KIAA1210: variants seen among roughly 807,000 people sequenced by gnomAD.
The protein encoded by KIAA1210 is KIAA1210, also known as acrosomal protein KIAA1210.
A neutral mutation model predicts 78.9 loss-of-function variants in KIAA1210; 48 were observed. That is an observed-to-expected ratio of 0.61 (90% confidence interval 0.48 to 0.77). The LOEUF (loss-of-function observed/expected upper bound fraction) is 0.77. Ranked by LOEUF, KIAA1210 falls within the 30% of genes least tolerant of loss-of-function variation. The probability of loss-of-function intolerance (pLI) is 0.00; values close to 1 mark genes in which losing one functional copy is unlikely to be tolerated. For missense variants in KIAA1210, 1,108 were observed against 1,100.0 expected (o/e 1.01, Z -0.10); for synonymous variants, 406 against 404.5 (o/e 1.00, Z -0.04).
chrX:119,095,452 A>T (rs930538621), intron 7 of KIAA1210, among the ~76,000 whole-genome samples: 1 of 111,472 alleles, frequency 9.0e-6, no homozygotes, highest in Admixed American at 9.5e-5. Context: ...GCAATGACAC[A>T]ATCTCGGCTC....
chrX:119,126,224 C>T (rs1231820702), intron 1 of KIAA1210, among the ~76,000 whole-genome samples: 2 of 96,917 alleles, frequency 2.1e-5, no homozygotes, highest in Admixed American at 1.1e-4. Flanking sequence ...GGCCGGGGGG[C>T]GGGGCTGGTG....
At chrX:119,132,248 A>T (rs1469079071), upstream of KIAA1210, among the ~76,000 whole-genome samples, 2 of 112,312 alleles carry the variant, frequency 1.8e-5, no homozygotes, top group African/African-American at 6.5e-5. Context: ...CTCTTGACTC[A>T]TAGAAACTGA....
chrX:119,127,461 C>T (rs1928679631), intron 1 of KIAA1210, among the ~76,000 whole-genome samples: 1 of 111,462 alleles, frequency 9.0e-6, no homozygotes, highest in Non-Finnish European at 1.9e-5. Context: ...TGAGCTTAGA[C>T]TGTCCTGTCT....
Position 119,112,833 on chromosome X carries a change from C to T in KIAA1210, c.231-3631G>A, listed in dbSNP as rs183963411. On this transcript the variant is annotated intron_variant, in intron 3 of 11. Coordinates refer to ENST00000691062, the MANE Select transcript of KIAA1210 (RefSeq NM_001394962.1). Reference sequence around the variant, plus strand: ...TAACGGCCATTTGACCCAACAATTCCACTCCTAGGTATATATCCCAGAGAA... The same window carrying T: ...TAACGGCCATTTGACCCAACAATTCTACTCCTAGGTATATATCCCAGAGAA... Among the ~76,000 whole-genome samples the T allele has an allele frequency of 5.2e-4, 58 of 111,722 alleles. No individual in the cohort carries two copies. In the East Asian group the frequency reaches 9.5e-3, roughly 18 times the overall value.
At position 119,083,107 on chromosome X, in the gene KIAA1210, G is replaced by GCAGAGC. The variant is rs1927018348; in HGVS notation, c.4328_4333dup (p.Gly1443_Ser1444dup). ...CATCTTTTTAGGTTGGTTTTCATTT[G>GCAGAGC]CAGAGCCAGCTCCCTTTAATACAAA... On this transcript the variant is annotated inframe_insertion, in exon 11 of 12. Transcript: ENST00000691062. 1 of 1,196,803 alleles carries GCAGAGC rather than the reference G, an allele frequency of 8.4e-7. No individual in the cohort carries two copies. Among genetic ancestry groups the GCAGAGC allele is most frequent in the Non-Finnish European group, 1.1e-6 (1 of 886,601 alleles).
intron 1 of KIAA1210, among the ~76,000 whole-genome samples, chrX:119,124,787 G>T (rs1408511620): frequency 1.8e-5 from 2 of 110,490 alleles, no homozygotes; most frequent in Non-Finnish European, 3.8e-5. Flanking sequence ...TACTAGGGAG[G>T]CTGAGGCGGG....
chrX:119,139,959 T>A (rs2147198984), intron 2 of KIAA1210, among the ~76,000 whole-genome samples: 1 of 111,872 alleles, frequency 8.9e-6, no homozygotes, highest in Non-Finnish European at 1.9e-5. Context: ...GGAGCCTCCG[T>A]TTACTCCCCT....
In KIAA1210 at chrX:119,105,313, G is replaced by A. The variant is rs147300443; in HGVS notation, c.493-166C>T. ...CCAGGGAAGAATTTCCTACCTCCCC[G>A]TCTTCATTCCTAGTACCTACTCAAA... On this transcript the variant is annotated intron_variant, in intron 5 of 11. Transcript: ENST00000691062. Among the ~76,000 whole-genome samples, 349 of 111,630 alleles carry A rather than the reference G, an allele frequency of 3.1e-3. 4 individuals carry two copies. The highest frequency in any genetic ancestry group is 0.011 in the African/African-American group (331 of 30,749).
chrX:119,119,164 T>C (rs187285615), intron 2 of KIAA1210, among the ~76,000 whole-genome samples: 1 of 112,741 alleles, frequency 8.9e-6, no homozygotes, highest in East Asian at 2.8e-4. Context: ...AAGTGTTCAA[T>C]AAATGTGAGC....
chrX:119,122,061 AT>A (rs781688572), intron 2 of KIAA1210, among the ~76,000 whole-genome samples: 644 of 56,447 alleles, frequency 0.011, 8 homozygotes, highest in African/African-American at 0.045. Flanking sequence ...CGCGCCCGGC[AT>A]TTTTTTTTTT....
chrX:119,104,816 T>G, intron 6 of KIAA1210, among the ~76,000 whole-genome samples, 176 bp downstream of exon 6: 1 of 111,984 alleles, frequency 8.9e-6, no homozygotes. Context: ...AAATGGTGAT[T>G]ATTTGGTTTG....
intron 2 of KIAA1210, among the ~76,000 whole-genome samples, chrX:119,133,347 C>T (rs763634249): frequency 3.6e-5 from 4 of 111,678 alleles, no homozygotes; most frequent in African/African-American, 6.5e-5. Flanking sequence ...TCCTACTCCA[C>T]GAGTCCACCA....
Position 119,109,119 on chromosome X carries a change from T to A in KIAA1210, c.314A>T (p.Lys105Ile), listed in dbSNP as rs1354281492. 8.3e-7 allele frequency: 1 copy of A among 1,209,522 alleles called. No individual in the cohort carries two copies. The highest frequency in any genetic ancestry group is 1.1e-6 in the Non-Finnish European group (1 of 893,890). ...LGPEPERSAS[K>I]MFPSMDPQRG... is the part of the protein sequence containing the mutation. The stretch of plus-strand genomic sequence containing the variant: ...CTGGGGATCCATAGAAGGAAACATT[T>A]TACTTGCTGATCTTTCAGGCTCAGG... Residue 105 changes from lysine to isoleucine, a missense_variant, in exon 4 of 12, where the codon AAA becomes ATA. Lys to Ile is a moderately radical substitution (Grantham distance 102). Coordinates refer to ENST00000691062, the MANE Select transcript of KIAA1210 (RefSeq NM_001394962.1).
intron 2 of KIAA1210, among the ~76,000 whole-genome samples, chrX:119,119,912 C>T (rs750576648): frequency 9.8e-6 from 1 of 101,799 alleles, no homozygotes; most frequent in Non-Finnish European, 2.0e-5. Context: ...GGAGGCAGAG[C>T]TTGCAGTGAG....
intron 2 of KIAA1210, among the ~76,000 whole-genome samples, chrX:119,143,006 A>G (rs1185748608): frequency 9.0e-6 from 1 of 111,263 alleles, no homozygotes; most frequent in Admixed American, 9.5e-5. Context: ...ACAAGTATCT[A>G]AACTATATCA....
At chrX:119,110,944 A>T (rs1475486403) in intron 3 of KIAA1210, among the ~76,000 whole-genome samples, 1 of 108,825 alleles carries the variant, frequency 9.2e-6, no homozygotes, top group African/African-American at 3.3e-5. Flanking sequence ...CAGAAAATTG[A>T]TCTTAAAATT....
chrX:119,092,780 T>TAAAA (rs1465721367), intron 8 of KIAA1210, among the ~76,000 whole-genome samples: 3 of 105,827 alleles, frequency 2.8e-5, no homozygotes, highest in Admixed American at 2.1e-4. Context: ...AATAAATAAA[T>TAAAA]AAATAAATAA....
upstream of KIAA1210, among the ~76,000 whole-genome samples, chrX:119,150,990 G>A (rs995197875): frequency 8.9e-6 from 1 of 112,560 alleles, no homozygotes; most frequent in Non-Finnish European, 1.9e-5. Context: ...TGAGGGAGCC[G>A]CTGGCCGGTT....
At chrX:119,122,061 A>ATTTTTTTT (rs781688572) in intron 2 of KIAA1210, among the ~76,000 whole-genome samples, 13 of 56,483 alleles carry the variant, frequency 2.3e-4, no homozygotes, top group Admixed American at 2.8e-4. Flanking sequence ...CGCGCCCGGC[A>ATTTTTTTT]TTTTTTTTTT....
Sources: gnomAD v4.1 joint callset for allele counts (sites outside exome capture counted in the v4.1 genomes callset) on GRCh38, gnomAD v4.1.1 for gene constraint, MANE v1.5 for transcripts, NCBI Gene and HGNC (gene_info 2026-07-23, HGNC 2026-07-21) for gene names.